TRMT44: variants seen among roughly 807,000 people sequenced by gnomAD.
TRMT44 encodes the protein tRNA methyltransferase 44 homolog, also known as probable tRNA (uracil-O(2)-)-methyltransferase.
In TRMT44, 78 loss-of-function variants were observed where a neutral mutation model predicts 77.3. The ratio of observed to expected loss-of-function variants is 1.01; its 90% CI spans 0.84 to 1.22. The LOEUF is 1.22. Among genes scored for constraint, TRMT44 ranks in the 50% most tolerant of loss-of-function variants. The pLI is 0.00. For synonymous variants in TRMT44, 391 were observed against 383.3 expected, an observed-to-expected ratio of 1.02 and a Z score of -0.23; for missense variants, 1,090 against 964.4, an observed-to-expected ratio of 1.13 and a Z score of -1.73.
chr4:8,490,945 G>C (rs1026471335), intron 2 of TRMT44, among the ~76,000 whole-genome samples: 1 of 152,142 alleles, frequency 6.6e-6, no homozygotes, highest in Non-Finnish European at 1.5e-5. Context: ...TCGACACAAA[G>C]GTTCTCCGAG....
chr4:8,496,134 C>T (rs1577072437), downstream of TRMT44, among the ~76,000 whole-genome samples: 2 of 152,230 alleles, frequency 1.3e-5, no homozygotes, highest in Admixed American at 6.5e-5. Flanking sequence ...CTGTCATTTG[C>T]ATAGAGTGAA....
rs886886829 is a variant in TRMT44, at chr4:8,476,117, G to T, written c.*116G>T. The stretch of plus-strand genomic sequence containing the variant: ...CTGTGTTTCAGCCCACCTCCTCCCA[G>T]CTTTCTCCACATCCTCACAGTGATG... On this transcript the variant is annotated 3_prime_UTR_variant, in exon 11 of 11. Transcript: ENST00000389737. 3 of 889,308 alleles carry T rather than the reference G, an allele frequency of 3.4e-6. No homozygotes were observed. The African/African-American group carries it at 5.0e-5, about 15-fold the overall frequency. The allele number at this position is 889,308 out of a possible 1,614,324, so 55.1% of individuals were successfully genotyped here.
rs139978899 is a variant in TRMT44, at chr4:8,464,151, G to A, written c.1310+60G>A. 53 of 1,447,030 alleles carry A rather than the reference G, an allele frequency of 3.7e-5. 1 individual carries two copies. In the East Asian group the frequency reaches 1.2e-3, roughly 32 times the overall value. The allele number at this position is 1,447,030 out of a possible 1,614,324, so 89.6% of individuals were successfully genotyped here. On this transcript the variant is annotated intron_variant, in intron 7 of 10. Coordinates refer to ENST00000389737, the MANE Select transcript of TRMT44 (RefSeq NM_152544.3). The stretch of plus-strand genomic sequence containing the variant: ...GGGAATGCTTCATCTTCTAAACAGT[G>A]GTGTCCAAAAGGGTAGCCACTAGCT...
At chr4:8,499,890 C>G in the TRMT44 span, among the ~76,000 whole-genome samples, 3,436 of 152,224 alleles carry the variant, frequency 0.023, 73 homozygotes, top group African/African-American at 0.053. Context: ...TATAACAAAC[C>G]TGCACATGTA....
Position 8,468,326 on chromosome 4 carries a change from T to G in TRMT44, c.1907T>G (p.Leu636Trp). 1 of 1,614,128 alleles carries G rather than the reference T, an allele frequency of 6.2e-7. No homozygotes were observed. Among genetic ancestry groups the G allele is most frequent in the Non-Finnish European group, 8.5e-7 (1 of 1,180,038 alleles). ...ACAAGAAGTTCTCGAAATGGGAGTTTGAAGACCTGGAATGGGGGAGGTAAG... is the reference window on the plus strand; with the variant it reads ...ACAAGAAGTTCTCGAAATGGGAGTTGGAAGACCTGGAATGGGGGAGGTAAG... Reference protein sequence around the residue: ...LNTRSSRNGSLKTWNGGESLS... With the variant: ...LNTRSSRNGSWKTWNGGESLS... Residue 636 changes from leucine to tryptophan, a missense_variant, in exon 9 of 11, where the codon TTG becomes TGG. Coordinates refer to ENST00000389737, the MANE Select transcript of TRMT44 (RefSeq NM_152544.3).
chr4:8,453,707 C>T (rs185570979), intron 5 of TRMT44: 1 of 152,152 alleles, frequency 6.6e-6, no homozygotes, highest in African/African-American at 2.4e-5. Flanking sequence ...CAACTTATAC[C>T]CCTCCTGGTG....
chr4:8,503,202 G>A, the TRMT44 span, among the ~76,000 whole-genome samples: 1 of 152,164 alleles, frequency 6.6e-6, no homozygotes, highest in Non-Finnish European at 1.5e-5. Flanking sequence ...CAGGCTGCAG[G>A]AGCCGCATTT....
chr4:8,484,666 T>G (rs1297415189), intron 2 of TRMT44, among the ~76,000 whole-genome samples: 1 of 152,116 alleles, frequency 6.6e-6, no homozygotes, highest in East Asian at 1.9e-4. Context: ...AGGGGGCAGT[T>G]TCTAAAGTTG....
chr4:8,467,120 A>G (rs1159591910), intron 8 of TRMT44, among the ~76,000 whole-genome samples: 1 of 152,234 alleles, frequency 6.6e-6, no homozygotes, highest in Non-Finnish European at 1.5e-5. Context: ...GCAAGCACGC[A>G]TGGAGCACCT....
chr4:8,483,965 A>G (rs1378367154), intron 2 of TRMT44, among the ~76,000 whole-genome samples: 3 of 152,166 alleles, frequency 2.0e-5, no homozygotes, highest in African/African-American at 7.2e-5. Flanking sequence ...CTTCATGTGT[A>G]GGGAAGGGAG....
chr4:8,450,664 A>G (rs138176030), intron 3 of TRMT44, among the ~76,000 whole-genome samples: 3,793 of 152,302 alleles, frequency 0.025, 69 homozygotes, highest in Non-Finnish European at 0.037. Flanking sequence ...GGTTCCCCCA[A>G]TACATCTGTG....
chr4:8,458,270 C>T (rs1287166233), intron 6 of TRMT44, among the ~76,000 whole-genome samples: 3 of 152,104 alleles, frequency 2.0e-5, no homozygotes, highest in African/African-American at 4.8e-5. Context: ...ACTGAATGTG[C>T]CTGCCTCTCC....
rs973992735 is a variant in TRMT44, at chr4:8,446,118, C to G, written c.620-358C>G. 6.6e-5 allele frequency among the ~76,000 whole-genome samples: 10 copies of G among 152,336 alleles called. No individual in the cohort carries two copies. Among genetic ancestry groups the G allele is most frequent in the African/African-American group, 2.4e-4 (10 of 41,580 alleles). On this transcript the variant is annotated intron_variant, in intron 1 of 10. Coordinates refer to ENST00000389737, the MANE Select transcript of TRMT44 (RefSeq NM_152544.3). This position sits in a 1 kb window ranked among gnomAD's most constrained non-coding sequence, Gnocchi z 4.3. Reference sequence around the variant, plus strand: ...CAGTGTTCTGTGCCTTGCTCACACTCGAAGATCATGGTCAGGCTGTGGCAG... The same window carrying G: ...CAGTGTTCTGTGCCTTGCTCACACTGGAAGATCATGGTCAGGCTGTGGCAG...
the TRMT44 span, among the ~76,000 whole-genome samples, chr4:8,514,251 CTT>C: frequency 7.4e-4 from 85 of 114,232 alleles, no homozygotes; most frequent in East Asian, 1.1e-3. Context: ...GGGCTCTGAT[CTT>C]TTTTTTTTTT....
chr4:8,471,508 G>A (rs1051348913), intron 10 of TRMT44, among the ~76,000 whole-genome samples: 1 of 152,242 alleles, frequency 6.6e-6, no homozygotes, highest in Non-Finnish European at 1.5e-5. Context: ...GAGCAAGTCG[G>A]GTAGCCGCTG....
At chr4:8,512,633 A>T in the TRMT44 span, 2 of 152,310 alleles carry the variant, frequency 1.3e-5, no homozygotes, top group African/African-American at 2.4e-5. Flanking sequence ...ATGAAAGGTA[A>T]ATTTCTCGAG....
the TRMT44 span, among the ~76,000 whole-genome samples, chr4:8,516,945 C>T: frequency 2.1e-4 from 32 of 152,342 alleles, no homozygotes; most frequent in South Asian, 6.0e-3. Context: ...AAGCTTCTTG[C>T]AGATATCTCT....
rs866073752 is a variant in TRMT44 at position 8,476,186 on chromosome 4, C to T, written c.*185C>T. 1.6e-6 allele frequency: 1 copy of T among 623,330 alleles called. No individual in the cohort carries two copies. Among genetic ancestry groups the T allele is most frequent in the East Asian group, 2.8e-5 (1 of 36,246 alleles). 38.6% of individuals were successfully genotyped at this position (623,330 alleles called of 1,614,324 possible). ...TCACACGCCAGAGAAGCCACAGTTA[C>T]TCGGAAGCCCCCAGCTGACTGCCTG... On this transcript the variant is annotated 3_prime_UTR_variant, in exon 11 of 11. Coordinates refer to ENST00000389737, the MANE Select transcript of TRMT44 (RefSeq NM_152544.3).
At chr4:8,474,903 C>A (rs910363831) in intron 10 of TRMT44, among the ~76,000 whole-genome samples, 1 of 152,200 alleles carries the variant, frequency 6.6e-6, no homozygotes, top group Non-Finnish European at 1.5e-5. Context: ...CGAGCGGGCC[C>A]ACAGCAGCCC....
Sources: gnomAD v4.1 joint callset for allele counts (sites outside exome capture counted in the v4.1 genomes callset) on GRCh38, gnomAD v4.1.1 for gene constraint, Gnocchi (gnomAD v3.1) non-coding constraint, MANE v1.5 for transcripts, NCBI Gene and HGNC (gene_info 2026-07-23, HGNC 2026-07-21) for gene names.